Variants in SPACA7 observed in about 807,000 individuals in gnomAD.
The protein encoded by SPACA7 is sperm acrosome associated 7, also known as sperm acrosome-associated protein 7.
A neutral mutation model predicts 26.3 loss-of-function variants in SPACA7; 19 were observed. The observed-to-expected ratio is 0.72, with a 90% CI of 0.50 to 1.06. SPACA7 has a LOEUF of 1.06. Ranked by LOEUF, SPACA7 falls within the 50% of genes least tolerant of loss-of-function variation. The pLI, the probability that SPACA7 is intolerant of heterozygous loss-of-function variation, is 0.00. For missense variants in SPACA7, 211 were observed against 229.9 expected (o/e 0.92, Z 0.53); for synonymous variants, 84 against 84.5 (o/e 0.99, Z 0.04).
intron 5 of SPACA7, among the ~76,000 whole-genome samples, chr13:112,420,414 C>T (rs1440991404): frequency 6.6e-6 from 1 of 151,934 alleles, no homozygotes; most frequent in Non-Finnish European, 1.5e-5. Flanking sequence ...AAATAAAATA[C>T]ATAATTTCTT....
chr13:112,423,143 A>G (rs112876177), intron 5 of SPACA7, among the ~76,000 whole-genome samples: 2,345 of 152,292 alleles, frequency 0.015, 59 homozygotes, highest in African/African-American at 0.053. Context: ...CGATTCAAAA[A>G]TTAAAAGTGA....
chr13:112,428,478 G>A (rs1876753438), intron 5 of SPACA7, among the ~76,000 whole-genome samples: 1 of 152,152 alleles, frequency 6.6e-6, no homozygotes, highest in Non-Finnish European at 1.5e-5. Flanking sequence ...TACATGGGAG[G>A]CTGAGGCAGG....
chr13:112,396,288 G>A (rs149678293), intron 2 of SPACA7, among the ~76,000 whole-genome samples: 2,213 of 152,182 alleles, frequency 0.015, 42 homozygotes, highest in African/African-American at 0.051. Flanking sequence ...CAGTAACAAT[G>A]GGGCAACCGA....
chr13:112,432,645 T>C lies in SPACA7; in HGVS notation c.523+124T>C, dbSNP rs1022768161. ...AGCCCAGCCCCCAGGTGGACCTACC[T>C]GAGCTCCACAGGAGCCCCTGTCCAA... On this transcript the variant is annotated intron_variant, in intron 6 of 6. Coordinates refer to ENST00000283550, the MANE Select transcript of SPACA7 (RefSeq NM_145248.5). The C allele has an allele frequency of 8.7e-6, 6 of 691,702 alleles. No homozygotes were observed. The African/African-American group carries it at 8.9e-5, about 10-fold the overall frequency. 42.8% of individuals were successfully genotyped at this position (691,702 alleles called of 1,614,324 possible).
chr13:112,418,767 A>G (rs1886843837), intron 5 of SPACA7, among the ~76,000 whole-genome samples: 1 of 152,256 alleles, frequency 6.6e-6, no homozygotes, highest in African/African-American at 2.4e-5. Flanking sequence ...TAGCATTACT[A>G]GACTTCAAGA....
chr13:112,390,350 G>A (rs553926597), intron 1 of SPACA7, among the ~76,000 whole-genome samples: 1 of 152,308 alleles, frequency 6.6e-6, no homozygotes, highest in African/African-American at 2.4e-5. Context: ...CAGTGGGGCA[G>A]GTCAGGAGGG....
chr13:112,427,788 T>A (rs1047023151), intron 5 of SPACA7, among the ~76,000 whole-genome samples: 1 of 152,218 alleles, frequency 6.6e-6, no homozygotes, highest in African/African-American at 2.4e-5. Context: ...TGGGTCCTTA[T>A]GGGAACTTTC....
chr13:112,385,186 C>A (rs1373280884), intron 1 of SPACA7, among the ~76,000 whole-genome samples: 2 of 152,168 alleles, frequency 1.3e-5, no homozygotes, highest in Non-Finnish European at 2.9e-5. Flanking sequence ...TTTACAAACC[C>A]TTTTCACTTT....
chr13:112,413,988 C>T (rs1444288831), intron 5 of SPACA7, among the ~76,000 whole-genome samples: 1 of 152,106 alleles, frequency 6.6e-6, no homozygotes, highest in Admixed American at 6.5e-5. Flanking sequence ...GTTGTGTGAT[C>T]AGAGAGGGAG....
At chr13:112,394,180 G>A (rs377311812) in intron 2 of SPACA7, among the ~76,000 whole-genome samples, 15 of 152,152 alleles carry the variant, frequency 9.9e-5, no homozygotes, top group East Asian at 1.9e-4. Context: ...GGGTGTGAGC[G>A]CTTAGCCAGT....
chr13:112,416,987 A>T (rs141789722), intron 5 of SPACA7, among the ~76,000 whole-genome samples: 100 of 152,200 alleles, frequency 6.6e-4, no homozygotes, highest in Non-Finnish European at 5.1e-4. Flanking sequence ...GCACACTTAG[A>T]TGGATATAAA....
At chr13:112,433,656 C>T (rs1460916842) in intron 6 of SPACA7, among the ~76,000 whole-genome samples, 3 of 150,234 alleles carry the variant, frequency 2.0e-5, no homozygotes, top group African/African-American at 2.4e-5. Flanking sequence ...GAGTTGTCAT[C>T]GAGCACAGGC....
At chr13:112,399,295 C>T (rs1204960713) in intron 4 of SPACA7, 122 bp downstream of exon 4, 4 of 690,760 alleles carry the variant, frequency 5.8e-6, no homozygotes, top group Non-Finnish European at 1.0e-5. Flanking sequence ...GGAGAATGTG[C>T]CCACTTCCCC....
intron 5 of SPACA7, among the ~76,000 whole-genome samples, chr13:112,420,633 C>A (rs989599555): frequency 6.6e-6 from 1 of 151,758 alleles, no homozygotes; most frequent in African/African-American, 2.4e-5. Context: ...GATAAAGAGA[C>A]GAGAGAGAGC....
At chr13:112,430,738 T>C (rs530055807) in intron 5 of SPACA7, among the ~76,000 whole-genome samples, 3 of 152,296 alleles carry the variant, frequency 2.0e-5, no homozygotes, top group East Asian at 1.9e-4. Flanking sequence ...AGGTGCCCTA[T>C]AGTCGAATGA....
At chr13:112,430,584 T>A (rs1877009020) in intron 5 of SPACA7, among the ~76,000 whole-genome samples, 1 of 152,318 alleles carries the variant, frequency 6.6e-6, no homozygotes, top group Non-Finnish European at 1.5e-5. Flanking sequence ...ATTTCAACTC[T>A]GGAAGGAAAA....
chr13:112,382,165 GA>G, intron 1 of SPACA7: 1 of 370,444 alleles, frequency 2.7e-6, no homozygotes, highest in Non-Finnish European at 4.9e-6. Flanking sequence ...AGTTAAGCTG[GA>G]GCTCTTTCAC....
At chr13:112,433,126 G>C (rs7332708) in intron 6 of SPACA7, among the ~76,000 whole-genome samples, 39,034 of 150,244 alleles carry the variant, frequency 0.26, 5,533 homozygotes, top group East Asian at 0.65. Context: ...GTATCCCTGA[G>C]TCACATGGCA....
chr13:112,382,322 T>C (rs1884126144), intron 1 of SPACA7: 5 of 1,140,986 alleles, frequency 4.4e-6, no homozygotes, highest in Non-Finnish European at 6.0e-6. Flanking sequence ...CGCCTCTCGA[T>C]TTCTTGACCT....
Sources: allele counts gnomAD v4.1 joint callset (sites outside exome capture counted in the v4.1 genomes callset), GRCh38; gene constraint gnomAD v4.1.1; transcripts MANE v1.5; gene names NCBI Gene and HGNC (gene_info 2026-07-23, HGNC 2026-07-21).